The following NOC2L variants were observed in gnomAD, a reference collection of about 807,000 sequenced individuals.
The protein encoded by NOC2L is nucleolar complex protein 2 homolog.
In NOC2L, 101 loss-of-function variants were observed where a neutral mutation model predicts 94.2. The observed-to-expected ratio is 1.07, with a 90% CI of 0.91 to 1.26. The LOEUF (loss-of-function observed/expected upper bound fraction) is 1.26. Among genes scored for constraint, NOC2L ranks in the 50% most tolerant of loss-of-function variants. NOC2L has a pLI of 0.00. For synonymous variants in NOC2L, 531 were observed against 413.4 expected (o/e 1.28, Z -3.45); for missense variants, 1,076 against 980.1 (o/e 1.10, Z -1.31).
At chr1:954,459 A>T (rs1642345217) in intron 6 of NOC2L, 1 of 214,270 alleles carries the variant, frequency 4.7e-6, no homozygotes, top group East Asian at 1.1e-4. Flanking sequence ...GCTGGTACTC[A>T]GCACCTCTGG....
In NOC2L at chr1:944,419, G is replaced by C; in HGVS notation, c.*275C>G. On this transcript the variant is annotated 3_prime_UTR_variant, in exon 19 of 19. Coordinates refer to ENST00000327044, the MANE Select transcript of NOC2L (RefSeq NM_015658.4). ...GCCTGCAGGCCTCCCCCTGGAACTGGGACTGGTCTCGGTCTGCTGACGTCA... is the reference window on the plus strand; with the variant it reads ...GCCTGCAGGCCTCCCCCTGGAACTGCGACTGGTCTCGGTCTGCTGACGTCA... The C allele has an allele frequency of 4.4e-6, 5 of 1,130,194 alleles. No individual in the cohort carries two copies. Among genetic ancestry groups the C allele is most frequent in the South Asian group, 4.1e-5 (2 of 48,242 alleles). The allele number at this position is 1,130,194 out of a possible 1,614,324, so 70.0% of individuals were successfully genotyped here.
chr1:953,484 G>A (rs1237487202), intron 8 of NOC2L, among the ~76,000 whole-genome samples, 196 bp from the exon 9 acceptor site: 1 of 152,260 alleles, frequency 6.6e-6, no homozygotes, highest in East Asian at 1.9e-4. Context: ...GTGAGAAGAG[G>A]ACCACAAAAG....
At chr1:953,975 C>A (rs374477062) in intron 7 of NOC2L, 29 bp downstream of exon 7, 2 of 1,601,750 alleles carry the variant, frequency 1.2e-6, no homozygotes, top group Admixed American at 1.7e-5. Context: ...TACAGCCAGG[C>A]CCCCGTGCCC....
At chr1:946,787 G>T (rs1166956779) in intron 14 of NOC2L, 1 of 461,998 alleles carries the variant, frequency 2.2e-6, no homozygotes, top group Non-Finnish European at 3.9e-6. Context: ...GCCAGGCGTG[G>T]TGGCTCTCGC....
chr1:947,992 CGGGG>C lies in NOC2L; in HGVS notation c.1659+135_1659+138del, dbSNP rs1642162611. On this transcript the variant is annotated intron_variant, in intron 14 of 18. Coordinates refer to ENST00000327044, the MANE Select transcript of NOC2L (RefSeq NM_015658.4). ...CATCAGCCCCTCCAAGGGGGCCTCA[CGGGG>C]CGCGTTGCCAGCAGTCAGGTTCCAC... The C allele has an allele frequency of 3.8e-5, 26 of 683,380 alleles. 3 individuals are homozygous for C. The highest frequency in any genetic ancestry group is 1.8e-4 in the African/African-American group (10 of 56,322). 42.3% of individuals were successfully genotyped at this position (683,380 alleles called of 1,614,324 possible).
chr1:956,521 G>A (rs1202257322), intron 4 of NOC2L, among the ~76,000 whole-genome samples: 1 of 152,102 alleles, frequency 6.6e-6, no homozygotes, highest in African/African-American at 2.4e-5. Context: ...AAAACACTGT[G>A]AGAGGCTCAG....
intron 9 of NOC2L, among the ~76,000 whole-genome samples, chr1:952,938 T>C (rs900019599): frequency 2.0e-5 from 3 of 152,102 alleles, no homozygotes; most frequent in Non-Finnish European, 4.4e-5. Flanking sequence ...GGCCCTCCCC[T>C]GGGGAAGCTG....
intron 6 of NOC2L, 65 bp from the exon 7 acceptor site, chr1:954,147 T>C: frequency 1.3e-5 from 20 of 1,492,264 alleles, no homozygotes; most frequent in Non-Finnish European, 1.9e-5. Context: ...CTGCTCAGCA[T>C]GTTGGCGCGT....
Position 946,289 on chromosome 1 carries a change from G to A in NOC2L, c.1804-3C>T, listed in dbSNP as rs950108611. On this transcript the variant is annotated splice_region_variant and splice_polypyrimidine_tract_variant and intron_variant, in intron 15 of 18. Transcript: ENST00000327044. ...CGGGTCAGCTTCTCCCAGGCTTCCT[G>A]GGGGGTTGGGGGAGTTCAGGGTCAT... 63 of 1,612,530 alleles carry A rather than the reference G, an allele frequency of 3.9e-5. No individual in the cohort carries two copies. The highest frequency in any genetic ancestry group is 5.3e-5 in the Non-Finnish European group (62 of 1,178,958).
At position 953,229 on chromosome 1, in the gene NOC2L, G is replaced by A. The variant is rs753708440; in HGVS notation, c.948C>T (p.Val316=). 8.1e-6 allele frequency: 13 copies of A among 1,613,436 alleles called. No individual in the cohort carries two copies. Among genetic ancestry groups the A allele is most frequent in the South Asian group, 1.1e-5 (1 of 91,084 alleles). The change falls in exon 9 of 19, where the codon GTC becomes GTT. Residue 316 remains valine, a synonymous_variant. Transcript: ENST00000327044. The part of the protein sequence containing the change: ...EESLRVLAFL[V]LSRVCRHKKD... Reference sequence around the variant, plus strand: ...TCTTGTGCCGGCAGACTCTGCTGAGGACCAGGAAAGCCAGCACCCGCAGAG... The same window carrying A: ...TCTTGTGCCGGCAGACTCTGCTGAGAACCAGGAAAGCCAGCACCCGCAGAG...
intron 17 of NOC2L, 160 bp downstream of exon 17, chr1:945,358 C>G: frequency 2.0e-6 from 2 of 1,010,816 alleles, no homozygotes; most frequent in Non-Finnish European, 2.8e-6. Context: ...GGAGGGAAGG[C>G]GCTGGCACCA....
chr1:952,388 G>C, intron 10 of NOC2L, 24 bp downstream of exon 10: 1 of 1,610,438 alleles, frequency 6.2e-7, no homozygotes, highest in Non-Finnish European at 8.5e-7. Flanking sequence ...CCCAGCATGA[G>C]CCTGGAAGGG....
At chr1:953,751 A>T (rs3828048) in intron 8 of NOC2L, 31 bp downstream of exon 8, 2 of 1,520,796 alleles carry the variant, frequency 1.3e-6, no homozygotes, top group East Asian at 2.3e-5. Flanking sequence ...CGACCCCATG[A>T]CAGACACAGG....
chr1:953,758 C>A (rs770760233), intron 8 of NOC2L, 24 bp downstream of exon 8: 6 of 1,550,668 alleles, frequency 3.9e-6, no homozygotes, highest in Non-Finnish European at 5.3e-6. Flanking sequence ...ATGACAGACA[C>A]AGGGAGGGGA....
chr1:952,446 A>C lies in NOC2L; in HGVS notation c.1157T>G (p.Ile386Arg). 2.5e-6 allele frequency: 4 copies of C among 1,613,772 alleles called. No homozygotes were observed. Among genetic ancestry groups the C allele is most frequent in the Non-Finnish European group, 3.4e-6 (4 of 1,179,988 alleles). The change falls in exon 10 of 19, where the codon ATA (isoleucine) becomes AGA (arginine). Residue 386 changes from isoleucine (I) to arginine (R), a missense_variant. Coordinates refer to ENST00000327044, the MANE Select transcript of NOC2L (RefSeq NM_015658.4). The stretch of plus-strand genomic sequence containing the variant: ...AGTGGTCATGGCGTTGCGCAGGTGT[A>C]TGGCGAGCTGGCGGATGTAGAGGAA... ...HAFLYIRQLA[I>R]HLRNAMTTRK...
intron 14 of NOC2L, chr1:947,083 TAC>T (rs899411492): frequency 6.5e-5 from 10 of 154,482 alleles, no homozygotes; most frequent in Admixed American, 1.9e-4. Context: ...ACTAATAAAA[TAC>T]AGTCTCGCTG....
intron 2 of NOC2L, 81 bp downstream of exon 2, chr1:958,848 G>T: frequency 6.8e-7 from 1 of 1,474,682 alleles, no homozygotes; most frequent in East Asian, 2.3e-5. Context: ...CCTTGGCCCT[G>T]AGACCCCAGG....
chr1:955,924 T>C lies in NOC2L; in HGVS notation c.697A>G (p.Arg233Gly), dbSNP rs1642388105. The change falls in exon 6 of 19, where the codon AGG becomes GGG. Residue 233 changes from arginine (R) to glycine (G), a missense_variant and splice_region_variant. By Grantham distance (125) the Arg-to-Gly change is moderately radical. Around this residue, in one of 3 missense-constraint regions of NOC2L, gnomAD observed 457 missense variants for 386.0 expected, o/e 1.18. Coordinates refer to ENST00000327044, the MANE Select transcript of NOC2L (RefSeq NM_015658.4). ...CCCCTTCACCCCCTCCCCTCTTACC[T>C]GCTGCTATCCTTTGCCACCTTTCCA... Reference protein sequence around the residue: ...LFGKVAKDSSRMLQPSSSPLW... With the variant: ...LFGKVAKDSSGMLQPSSSPLW... 1 of 1,352,262 alleles carries C rather than the reference T, an allele frequency of 7.4e-7. No individual in the cohort carries two copies. The highest frequency in any genetic ancestry group is 1.0e-6 in the Non-Finnish European group (1 of 957,776). 83.8% of individuals were successfully genotyped at this position (1,352,262 alleles called of 1,614,324 possible).
intron 14 of NOC2L, 93 bp downstream of exon 14, chr1:948,038 C>G: frequency 9.9e-7 from 1 of 1,009,848 alleles, no homozygotes; most frequent in Non-Finnish European, 1.5e-6. Context: ...CCCAGGTACC[C>G]GGGACAAGGG....
Sources: allele counts gnomAD v4.1 joint callset (sites outside exome capture counted in the v4.1 genomes callset), GRCh38; gene constraint gnomAD v4.1.1; regional missense constraint gnomAD v4.1.1; transcripts MANE v1.5; gene names NCBI Gene and HGNC (gene_info 2026-07-23, HGNC 2026-07-21).